GALNT18: variants seen among roughly 807,000 people sequenced by gnomAD.
The protein encoded by GALNT18 is polypeptide N-acetylgalactosaminyltransferase 18.
GALNT18 carries 44 observed loss-of-function variants against 69.5 expected under a neutral mutation model. The observed-to-expected ratio is 0.63, with a 90% CI of 0.50 to 0.81. The LOEUF is 0.81. GALNT18 is among the 40% of genes least tolerant of loss of function. The pLI is 0.00. For missense variants in GALNT18, 715 were observed against 810.0 expected (o/e 0.88, Z 1.42); for synonymous variants, 364 against 318.2 (o/e 1.14, Z -1.53).
intron 1 of GALNT18, among the ~76,000 whole-genome samples, chr11:11,578,410 CAAGT>C (rs546535388): frequency 1.3e-5 from 2 of 150,348 alleles, no homozygotes; most frequent in Non-Finnish European, 3.0e-5. Context: ...ACACCCTTTT[CAAGT>C]AAGAGAACAC....
Position 11,352,363 on chromosome 11 carries a change from C to A in GALNT18, c.1093-11359G>T, listed in dbSNP as rs552266043. 4.4e-4 allele frequency: 714 copies of A among 1,614,082 alleles called. 1 individual carries two copies. The highest frequency in any genetic ancestry group is 3.4e-3 in the African/African-American group (255 of 75,016). On this transcript the variant is annotated intron_variant, in intron 6 of 10. Transcript: ENST00000227756. ...TATTTGTCAATATAGCCATATAAAT[C>A]TTCTGTCCCCAGAAACTTGGCTATC...
rs181626368 is a variant in GALNT18 at position 11,525,256 on chromosome 11, C to T, written c.236-76320G>A. Among the ~76,000 whole-genome samples, 240 of 152,062 alleles carry T rather than the reference C, an allele frequency of 1.6e-3. 2 individuals are homozygous for T. Among genetic ancestry groups the T allele is most frequent in the Middle Eastern group, 3.4e-3 (1 of 294 alleles). On this transcript the variant is annotated intron_variant, in intron 1 of 10. Coordinates refer to ENST00000227756, the MANE Select transcript of GALNT18 (RefSeq NM_198516.3). ...TTTAAACATCACTCTCAAGGAAACG[C>T]GAATGACTGAAAGTTTCCACTGGAT...
chr11:11,272,759 T>A (rs1428434814), intron 10 of GALNT18, among the ~76,000 whole-genome samples: 1 of 151,326 alleles, frequency 6.6e-6, no homozygotes, highest in African/African-American at 2.5e-5. Flanking sequence ...CACTTCCACC[T>A]CCTCAGTCTA....
chr11:11,365,211 T>C (rs759615851), intron 6 of GALNT18, among the ~76,000 whole-genome samples: 2 of 152,150 alleles, frequency 1.3e-5, no homozygotes, highest in East Asian at 1.9e-4. Flanking sequence ...GTGTTCTCAG[T>C]GTTCAACTTC....
intron 1 of GALNT18, among the ~76,000 whole-genome samples, chr11:11,493,831 T>C (rs914589102): frequency 6.6e-6 from 1 of 152,142 alleles, no homozygotes; most frequent in Admixed American, 6.5e-5. Context: ...AGTTGTCCCT[T>C]TGATCATAGG....
chr11:11,372,237 C>T lies in GALNT18; in HGVS notation c.1092+278G>A, dbSNP rs184338629. ...GCACACCTTTGCTCACTCTGATGGG[C>T]CTCAGTTTGATTTTAAAAGAGGCTG... On this transcript the variant is annotated intron_variant, in intron 6 of 10. Transcript: ENST00000227756. The surrounding 1 kb of genome is among the most constrained non-coding windows in gnomAD (Gnocchi z 4.9). Among the ~76,000 whole-genome samples the T allele has an allele frequency of 1.2e-3, 187 of 152,236 alleles. No individual in the cohort carries two copies. The highest frequency in any genetic ancestry group is 2.0e-3 in the Non-Finnish European group (134 of 68,008).
rs1860109773 is a variant in GALNT18, at chr11:11,618,400, GTAAACATTA to G, written c.235+2950_235+2958del. ...TGCCAGGGACTGTCCTGCATGTTCA[GTAAACATTA>G]GTTAAAGGACTGGAACCTCTGCCTC... is the stretch of plus-strand genomic sequence containing the variant. On this transcript the variant is annotated intron_variant, in intron 1 of 10. Coordinates refer to ENST00000227756, the MANE Select transcript of GALNT18 (RefSeq NM_198516.3). The surrounding 1 kb of genome is among the most constrained non-coding windows in gnomAD (Gnocchi z 6.1). 6.6e-6 allele frequency among the ~76,000 whole-genome samples: 1 copy of G among 152,222 alleles called. No homozygotes were observed. The highest frequency in any genetic ancestry group is 1.5e-5 in the Non-Finnish European group (1 of 68,042).
At chr11:11,334,092 G>C (rs1244423125) in intron 7 of GALNT18, among the ~76,000 whole-genome samples, 1 of 152,132 alleles carries the variant, frequency 6.6e-6, no homozygotes, top group African/African-American at 2.4e-5. Flanking sequence ...TGCTCTCTTT[G>C]TGAATCCCTG....
intron 8 of GALNT18, among the ~76,000 whole-genome samples, chr11:11,331,598 T>C (rs1850017332): frequency 6.6e-6 from 1 of 152,174 alleles, no homozygotes; most frequent in Non-Finnish European, 1.5e-5. Flanking sequence ...CAAGTTTTCA[T>C]CTTGAGATAT....
intron 2 of GALNT18, among the ~76,000 whole-genome samples, chr11:11,433,950 G>A (rs1260345163): frequency 6.6e-6 from 1 of 152,142 alleles, no homozygotes; most frequent in South Asian, 2.1e-4. Context: ...AGTGGGAGGT[G>A]CAGCCAGGTC....
At position 11,337,275 on chromosome 11, in the gene GALNT18, C is replaced by T. The variant is rs956126485; in HGVS notation, c.1278+3544G>A. Among the ~76,000 whole-genome samples, 5 of 152,114 alleles carry T rather than the reference C, an allele frequency of 3.3e-5. No homozygotes were observed. The highest frequency in any genetic ancestry group is 1.3e-4 in the Admixed American group (2 of 15,280). On this transcript the variant is annotated intron_variant, in intron 7 of 10. Transcript: ENST00000227756. This position sits in a 1 kb window ranked among gnomAD's most constrained non-coding sequence, Gnocchi z 4.9. ...GCCAGCAAACTCACTCATTAATAAG[C>T]GTTAGCAAGGCGTCACCAAGCTCTT...
At chr11:11,482,576 T>G (rs1856556212) in intron 1 of GALNT18, among the ~76,000 whole-genome samples, 1 of 152,182 alleles carries the variant, frequency 6.6e-6, no homozygotes, top group East Asian at 1.9e-4. Context: ...ATGAGGACAG[T>G]CACACCAGCT....
At chr11:11,375,642 CCT>C (rs1441722947) in intron 5 of GALNT18, among the ~76,000 whole-genome samples, 3 of 152,198 alleles carry the variant, frequency 2.0e-5, no homozygotes, top group African/African-American at 7.2e-5. Context: ...GGGCCATTCA[CCT>C]CTCTCAGTCT....
At chr11:11,521,593 A>G (rs1413425042) in intron 1 of GALNT18, among the ~76,000 whole-genome samples, 1 of 152,170 alleles carries the variant, frequency 6.6e-6, no homozygotes, top group Non-Finnish European at 1.5e-5. Flanking sequence ...CTGAGCTCCA[A>G]CTTCATTCCT....
chr11:11,293,935 ATGCACACTAAGACTGTGCAG>A lies in GALNT18; in HGVS notation c.1513-762_1513-743del, dbSNP rs574108129. Among the ~76,000 whole-genome samples, 287 of 151,030 alleles carry A rather than the reference ATGCACACTAAGACTGTGCAG, an allele frequency of 1.9e-3. 2 individuals carry two copies. Among genetic ancestry groups the A allele is most frequent in the African/African-American group, 6.6e-3 (271 of 41,076 alleles). On this transcript the variant is annotated intron_variant, in intron 9 of 10. Transcript: ENST00000227756. The stretch of plus-strand genomic sequence containing the variant: ...GGATGGGAGATGTATAACAATTTCC[ATGCACACTAAGACTGTGCAG>A]AGCAGGAGGTGGCCAACTTTTTCTT...
Position 11,621,224 on chromosome 11 carries a change from C to T in GALNT18, c.235+135G>A. 1 of 694,180 alleles carries T rather than the reference C, an allele frequency of 1.4e-6. No homozygotes were observed. Among genetic ancestry groups the T allele is most frequent in the Non-Finnish European group, 2.5e-6 (1 of 407,758 alleles). 43.0% of individuals were successfully genotyped at this position (694,180 alleles called of 1,614,324 possible). ...CGCAGGCAGGAGCTCACACGCAGGC[C>T]CCACGACTACCACGCATCTGCGGCC... On this transcript the variant is annotated intron_variant, in intron 1 of 10. Transcript: ENST00000227756. This position sits in a 1 kb window ranked among gnomAD's most constrained non-coding sequence, Gnocchi z 9.3.
intron 5 of GALNT18, among the ~76,000 whole-genome samples, chr11:11,376,168 G>A (rs1211035352): frequency 1.3e-5 from 2 of 152,150 alleles, no homozygotes; most frequent in Admixed American, 1.3e-4. Context: ...AGATCACGAG[G>A]TCAGGAGTTC....
chr11:11,493,959 A>C (rs996528371), intron 1 of GALNT18, among the ~76,000 whole-genome samples: 1 of 152,210 alleles, frequency 6.6e-6, no homozygotes, highest in Admixed American at 6.5e-5. Context: ...TGGCTCTAGA[A>C]TCAGACTGCC....
intron 1 of GALNT18, among the ~76,000 whole-genome samples, chr11:11,485,415 T>C (rs987468668): frequency 1.3e-5 from 2 of 152,184 alleles, no homozygotes; most frequent in Admixed American, 6.5e-5. Flanking sequence ...ATTACTTATG[T>C]TTACCAGTGT....
Sources: gnomAD v4.1 joint callset for allele counts (sites outside exome capture counted in the v4.1 genomes callset) on GRCh38, gnomAD v4.1.1 for gene constraint, Gnocchi (gnomAD v3.1) non-coding constraint, MANE v1.5 for transcripts, NCBI Gene and HGNC (gene_info 2026-07-23, HGNC 2026-07-21) for gene names.